The following USP24 variants were observed in gnomAD, a reference collection of about 807,000 sequenced individuals.
The protein encoded by USP24 is ubiquitin carboxyl-terminal hydrolase 24.
Under a neutral mutation model 361.6 loss-of-function variants are expected in USP24, and 97 were observed. That is an observed-to-expected ratio of 0.27 (90% CI 0.23 to 0.32). The LOEUF is 0.32. USP24 is among the 10% of genes least tolerant of loss of function. The pLI, the probability that USP24 is intolerant of heterozygous loss-of-function variation, is 1.00. For missense variants in USP24, 2,353 were observed against 3,165.6 expected (o/e 0.74, Z 6.16); for synonymous variants, 1,098 against 1,124.6 (o/e 0.98, Z 0.47).
Position 55,101,569 on chromosome 1 carries a change from G to A in USP24, c.5145+15C>T. ...ATTATCTATCGTACCAAAAAGGATA[G>A]AAAAAAGAAATCACCTCAGGGAGCC... On this transcript the variant is annotated intron_variant, in intron 43 of 67. Coordinates refer to ENST00000294383, the MANE Select transcript of USP24 (RefSeq NM_015306.3). The A allele has an allele frequency of 6.3e-7, 1 of 1,597,566 alleles. No individual in the cohort carries two copies. Among genetic ancestry groups the A allele is most frequent in the African/African-American group, 1.3e-5 (1 of 74,664 alleles).
chr1:55,169,421 T>A (rs1649223077), intron 5 of USP24, among the ~76,000 whole-genome samples: 1 of 152,080 alleles, frequency 6.6e-6, no homozygotes, highest in African/African-American at 2.4e-5. Context: ...AGATAAAGGC[T>A]GAGAAATTTC....
At chr1:55,146,130 C>A (rs763894010) in intron 19 of USP24, 21 bp from the exon 20 acceptor site, 1 of 1,554,706 alleles carries the variant, frequency 6.4e-7, no homozygotes, top group South Asian at 1.1e-5. Context: ...AGACGAATAT[C>A]ACCCTATAAC....
intron 1 of USP24, among the ~76,000 whole-genome samples, chr1:55,197,453 A>G (rs1430116219): frequency 6.6e-6 from 1 of 152,230 alleles, no homozygotes; most frequent in African/African-American, 2.4e-5. Flanking sequence ...TTCTTGGTGA[A>G]TGAATGAGTG....
rs116275694 is a variant in USP24, at chr1:55,191,187, T to C, written c.325-13055A>G. On this transcript the variant is annotated intron_variant, in intron 1 of 67. Transcript: ENST00000294383. The stretch of plus-strand genomic sequence containing the variant: ...GTATTCAGTTGTTCAAGAAAAATAA[T>C]ACAGATGAACTAATGTGTTCAATTA... Among the ~76,000 whole-genome samples the C allele has an allele frequency of 3.8e-3, 581 of 152,294 alleles. 5 individuals carry two copies. Among genetic ancestry groups the C allele is most frequent in the African/African-American group, 0.013 (544 of 41,580 alleles).
intron 1 of USP24, among the ~76,000 whole-genome samples, chr1:55,209,282 A>C (rs1223551834): frequency 6.6e-6 from 1 of 152,072 alleles, no homozygotes; most frequent in Non-Finnish European, 1.5e-5. Flanking sequence ...TCTTTTTAAA[A>C]GGAAAACCTT....
chr1:55,120,874 T>A, intron 37 of USP24, 118 bp from the exon 38 acceptor site: 1 of 1,258,786 alleles, frequency 7.9e-7, no homozygotes, highest in Non-Finnish European at 1.1e-6. Context: ...TGAAGGATAC[T>A]AGAAAGGTAT....
chr1:55,151,020 T>C (rs1647179103), intron 16 of USP24, among the ~76,000 whole-genome samples: 1 of 152,222 alleles, frequency 6.6e-6, no homozygotes, highest in South Asian at 2.1e-4. Context: ...ACTTAGTATT[T>C]CCACTGATGA....
At chr1:55,205,164 G>A (rs933998781) in intron 1 of USP24, among the ~76,000 whole-genome samples, 1 of 151,910 alleles carries the variant, frequency 6.6e-6, no homozygotes, top group South Asian at 2.1e-4. Context: ...CCATCCCTTT[G>A]GCCAAAAAAG....
At chr1:55,069,978 T>A (rs1644887957) in intron 67 of USP24, among the ~76,000 whole-genome samples, 1 of 149,872 alleles carries the variant, frequency 6.7e-6, no homozygotes. Context: ...TTTCTCCTCA[T>A]ACAAAGCCTT....
At chr1:55,079,731 G>C in intron 59 of USP24, 72 bp from the exon 60 acceptor site, 1 of 1,393,938 alleles carries the variant, frequency 7.2e-7, no homozygotes, top group East Asian at 2.6e-5. Flanking sequence ...ACATCCATAA[G>C]AAAATGTGCC....
chr1:55,111,342 C>T (rs1055128882), intron 38 of USP24, among the ~76,000 whole-genome samples: 2 of 152,018 alleles, frequency 1.3e-5, no homozygotes, highest in Admixed American at 6.6e-5. Context: ...TTAAAACTCT[C>T]GTCTAATGCT....
intron 1 of USP24, among the ~76,000 whole-genome samples, chr1:55,202,008 G>A (rs1220977009): frequency 6.6e-6 from 1 of 152,174 alleles, no homozygotes; most frequent in Non-Finnish European, 1.5e-5. Flanking sequence ...ATGGCAAGAG[G>A]TGAGAGAGGA....
At chr1:55,176,312 C>G in intron 3 of USP24, 64 bp downstream of exon 3, 6 of 1,386,838 alleles carry the variant, frequency 4.3e-6, no homozygotes, top group Non-Finnish European at 5.8e-6. Flanking sequence ...CAAAAAGCTT[C>G]TCTTCCTTCA....
intron 12 of USP24, 65 bp from the exon 13 acceptor site, chr1:55,154,843 T>A: frequency 7.8e-7 from 1 of 1,288,066 alleles, no homozygotes; most frequent in South Asian, 1.3e-5. Context: ...GTCTTCCCCC[T>A]GGCAACTTAC....
intron 38 of USP24, among the ~76,000 whole-genome samples, chr1:55,119,332 G>T (rs920070719): frequency 7.2e-5 from 11 of 152,144 alleles, no homozygotes; most frequent in Non-Finnish European, 1.3e-4. Context: ...GACAAATACT[G>T]TATGATTCCA....
chr1:55,178,687 A>G (rs1285365439), intron 1 of USP24, among the ~76,000 whole-genome samples: 4 of 82,114 alleles, frequency 4.9e-5, no homozygotes, highest in African/African-American at 1.8e-4. Flanking sequence ...AAATAAATAA[A>G]TAAATAAATA....
chr1:55,130,638 T>C (rs1353192607), intron 31 of USP24, among the ~76,000 whole-genome samples: 1 of 152,124 alleles, frequency 6.6e-6, no homozygotes, highest in Non-Finnish European at 1.5e-5. Context: ...ATAATGAGCA[T>C]TACATGGGAG....
chr1:55,132,725 C>A, intron 30 of USP24, 25 bp from the exon 31 acceptor site: 1 of 1,597,262 alleles, frequency 6.3e-7, no homozygotes, highest in Admixed American at 1.7e-5. Flanking sequence ...ATGAGAAAGA[C>A]ATAAACTACT....
At chr1:55,170,258 A>C (rs997630065) in intron 5 of USP24, among the ~76,000 whole-genome samples, 2 of 152,054 alleles carry the variant, frequency 1.3e-5, no homozygotes, top group Non-Finnish European at 2.9e-5. Context: ...AGAAGAGGGG[A>C]TCTAGAGGAG....
Sources: allele counts gnomAD v4.1 joint callset (sites outside exome capture counted in the v4.1 genomes callset), GRCh38; gene constraint gnomAD v4.1.1; transcripts MANE v1.5; gene names NCBI Gene and HGNC (gene_info 2026-07-23, HGNC 2026-07-21).